IGF1R: variants seen among roughly 807,000 people sequenced by gnomAD.
IGF1R encodes the protein insulin like growth factor 1 receptor.
A neutral mutation model predicts 144.6 loss-of-function variants in IGF1R; 44 were observed. The observed-to-expected ratio is 0.30, with a 90% CI of 0.24 to 0.39. IGF1R has a LOEUF of 0.39. Ranked by LOEUF, IGF1R falls within the 10% of genes least tolerant of loss-of-function variation. IGF1R has a pLI of 1.00. For synonymous variants in IGF1R, 795 were observed against 722.8 expected, an observed-to-expected ratio of 1.10 and a Z score of -1.60; for missense variants, 1,355 against 1,833.7, an observed-to-expected ratio of 0.74 and a Z score of 4.77.
chr15:98,705,433 T>C (rs2053837731), intron 1 of IGF1R, among the ~76,000 whole-genome samples: 1 of 152,180 alleles, frequency 6.6e-6, no homozygotes, highest in South Asian at 2.1e-4. Flanking sequence ...TGAAATCTAA[T>C]GTATGTGACT....
intron 2 of IGF1R, among the ~76,000 whole-genome samples, chr15:98,792,064 C>G (rs1403267411): frequency 6.6e-6 from 1 of 152,106 alleles, no homozygotes; most frequent in African/African-American, 2.4e-5. Context: ...ATCTTTTTTC[C>G]TTCCCTATTA....
chr15:98,879,664 G>T (rs1377753986), intron 2 of IGF1R, among the ~76,000 whole-genome samples: 1 of 152,126 alleles, frequency 6.6e-6, no homozygotes, highest in African/African-American at 2.4e-5. Flanking sequence ...CTGAGGTCCA[G>T]ATGGGCCTCT....
intron 2 of IGF1R, among the ~76,000 whole-genome samples, chr15:98,773,192 G>C (rs2055632429): frequency 6.6e-6 from 1 of 152,126 alleles, no homozygotes; most frequent in African/African-American, 2.4e-5. Flanking sequence ...GTAGCTGGTG[G>C]CTCAGATGAC....
intron 2 of IGF1R, among the ~76,000 whole-genome samples, chr15:98,814,854 A>G (rs1396362111): frequency 1.3e-5 from 2 of 152,222 alleles, no homozygotes; most frequent in East Asian, 3.8e-4. Flanking sequence ...GAATTACTGG[A>G]AACAGGAAGA....
intron 2 of IGF1R, among the ~76,000 whole-genome samples, chr15:98,844,093 A>C (rs1465680786): frequency 1.3e-5 from 2 of 152,186 alleles, no homozygotes; most frequent in Non-Finnish European, 2.9e-5. Flanking sequence ...CTATTTGTTC[A>C]TGTTAGATAA....
At chr15:98,947,716 CAGAAT>C (rs1472005526) in intron 19 of IGF1R, among the ~76,000 whole-genome samples, 1 of 152,196 alleles carries the variant, frequency 6.6e-6, no homozygotes, top group Admixed American at 6.5e-5. Context: ...ATGCATATGG[CAGAAT>C]TGCTCACTAC....
At chr15:98,949,991 T>G (rs1353638415) in intron 20 of IGF1R, among the ~76,000 whole-genome samples, 1 of 152,226 alleles carries the variant, frequency 6.6e-6, no homozygotes, top group African/African-American at 2.4e-5. Flanking sequence ...GCTTTTGACA[T>G]GCACTTTAAG....
chr15:98,753,331 CT>C lies in IGF1R; in HGVS notation c.640+45225del, dbSNP rs554305399. Among the ~76,000 whole-genome samples, 26 of 150,414 alleles carry C rather than the reference CT, an allele frequency of 1.7e-4. 1 individual carries two copies. In the South Asian group the frequency reaches 5.5e-3, roughly 32 times the overall value. On this transcript the variant is annotated intron_variant, in intron 2 of 20. Transcript: ENST00000650285. ...TCCTCTGCTCAAGCAATCCTCCCGC[CT>C]GAGCCCCCCAAATAGCTGGGACCAC...
chr15:98,700,200 G>GT (rs1247447294), intron 1 of IGF1R, among the ~76,000 whole-genome samples: 1 of 152,136 alleles, frequency 6.6e-6, no homozygotes, highest in Non-Finnish European at 1.5e-5. Flanking sequence ...CGCAAGGAGG[G>GT]TGTGCTGAGA....
At chr15:98,721,176 C>A (rs1434325554) in intron 2 of IGF1R, among the ~76,000 whole-genome samples, 2 of 152,092 alleles carry the variant, frequency 1.3e-5, no homozygotes, top group African/African-American at 4.8e-5. Flanking sequence ...TCCATGAAGC[C>A]CCCCAAATCT....
At chr15:98,746,967 A>AT (rs1567107916) in intron 2 of IGF1R, among the ~76,000 whole-genome samples, 1 of 152,198 alleles carries the variant, frequency 6.6e-6, no homozygotes, top group African/African-American at 2.4e-5. Context: ...AGTTGAACCT[A>AT]TGCTCTCTTG....
rs1426840775 is a variant in IGF1R at position 98,964,423 on chromosome 15, CTG to C, written c.*6983_*6984del. On this transcript the variant is annotated 3_prime_UTR_variant, in exon 21 of 21. Coordinates refer to ENST00000650285, the MANE Select transcript of IGF1R (RefSeq NM_000875.5). ...TTCTTTACATAATGGAAAAAAGAAA[CTG>C]TCTATTTTGAATGGCTGAAGCTAAG... 4.4e-6 allele frequency: 1 copy of C among 228,752 alleles called. No individual in the cohort carries two copies. The highest frequency in any genetic ancestry group is 2.2e-5 in the African/African-American group (1 of 45,160). The allele number at this position is 228,752 out of a possible 1,614,324, so 14.2% of individuals were successfully genotyped here.
At chr15:98,925,559 G>C (rs1284714127) in intron 13 of IGF1R, among the ~76,000 whole-genome samples, 1 of 152,220 alleles carries the variant, frequency 6.6e-6, no homozygotes, top group Non-Finnish European at 1.5e-5. Flanking sequence ...CTAGTGGGCT[G>C]ATCTTTCCTG....
At position 98,806,008 on chromosome 15, in the gene IGF1R, C is replaced by T. The variant is rs541786792; in HGVS notation, c.641-85317C>T. On this transcript the variant is annotated intron_variant, in intron 2 of 20. Coordinates refer to ENST00000650285, the MANE Select transcript of IGF1R (RefSeq NM_000875.5). ...TAGCAGGTATGGGGTGCCCACACTT[C>T]TGTCTGACTTGCCTGAAAGGTTGAG... 2.6e-5 allele frequency among the ~76,000 whole-genome samples: 4 copies of T among 152,316 alleles called. No individual in the cohort carries two copies. The East Asian group carries it at 7.7e-4, about 29-fold the overall frequency.
intron 2 of IGF1R, among the ~76,000 whole-genome samples, chr15:98,805,161 C>T (rs1257723770): frequency 2.0e-5 from 3 of 152,088 alleles, no homozygotes; most frequent in East Asian, 1.9e-4. Flanking sequence ...GAGGTGTTAT[C>T]GGAGCATTAC....
At chr15:98,742,863 C>T (rs2054778370) in intron 2 of IGF1R, among the ~76,000 whole-genome samples, 1 of 151,868 alleles carries the variant, frequency 6.6e-6, no homozygotes, top group African/African-American at 2.4e-5. Flanking sequence ...ATGGTGAAAC[C>T]CCGTCTCTAC....
intron 2 of IGF1R, among the ~76,000 whole-genome samples, chr15:98,822,834 TAAG>T (rs535702861): frequency 4.8e-4 from 73 of 152,304 alleles, no homozygotes; most frequent in African/African-American, 1.4e-3. Flanking sequence ...TGAAATAAAT[TAAG>T]AATAATTATT....
In IGF1R at chr15:98,738,245, C is replaced by T. The variant is rs186222351; in HGVS notation, c.640+30138C>T. On this transcript the variant is annotated intron_variant, in intron 2 of 20. Coordinates refer to ENST00000650285, the MANE Select transcript of IGF1R (RefSeq NM_000875.5). ...GAGATAGAGTCTCACTAGTTTGCCC[C>T]GGCTGAACTCAAACTGCTGGACTCA... Among the ~76,000 whole-genome samples, 859 of 152,282 alleles carry T rather than the reference C, an allele frequency of 5.6e-3. 2 individuals are homozygous for T. Among genetic ancestry groups the T allele is most frequent in the Middle Eastern group, 0.02 (6 of 294 alleles).
At chr15:98,728,013 T>TG (rs1555436613) in intron 2 of IGF1R, among the ~76,000 whole-genome samples, 1 of 149,998 alleles carries the variant, frequency 6.7e-6, no homozygotes, top group Non-Finnish European at 1.5e-5. Flanking sequence ...CATTGTTTTT[T>TG]TTTTTTTTTT....
Sources: allele counts gnomAD v4.1 joint callset (sites outside exome capture counted in the v4.1 genomes callset), GRCh38; gene constraint gnomAD v4.1.1; transcripts MANE v1.5; gene names NCBI Gene and HGNC (gene_info 2026-07-23, HGNC 2026-07-21).